The following CHFR variants were observed in gnomAD, a reference collection of about 807,000 sequenced individuals.
The protein encoded by CHFR is E3 ubiquitin-protein ligase CHFR.
In CHFR, 57 loss-of-function variants were observed where a neutral mutation model predicts 87.6. The ratio of observed to expected loss-of-function variants is 0.65; its 90% confidence interval spans 0.53 to 0.81. The LOEUF (loss-of-function observed/expected upper bound fraction) is 0.81, where lower values mean the gene tolerates loss of function less well. CHFR is among the 30% of genes least tolerant of loss of function. The pLI is 0.00. For synonymous variants in CHFR, 381 were observed against 359.2 expected (o/e 1.06, Z -0.69); for missense variants, 797 against 865.8 (o/e 0.92, Z 1.00).
chr12:132,839,876 TTGGGA>T lies in CHFR; in HGVS notation c.*1673_*1677del. On this transcript the variant is annotated 3_prime_UTR_variant, in exon 18 of 18. Transcript: ENST00000450056. ...CTCTCAGCCTCGCCCCTGCACTAACTTGGGACCTCCCTGCTCAGCCTCACCCCTGC... is the reference window on the plus strand; with the variant it reads ...CTCTCAGCCTCGCCCCTGCACTAACTCCTCCCTGCTCAGCCTCACCCCTGC... 1 of 153,884 alleles carries T rather than the reference TTGGGA, an allele frequency of 6.5e-6. No homozygotes were observed. The highest frequency in any genetic ancestry group is 7.6e-5 in the Admixed American group (1 of 13,088). 9.5% of individuals were successfully genotyped at this position (153,884 alleles called of 1,614,324 possible).
At chr12:132,880,246 C>G (rs117877326) in intron 2 of CHFR, among the ~76,000 whole-genome samples, 3,768 of 152,180 alleles carry the variant, frequency 0.025, 69 homozygotes, top group South Asian at 0.076. Context: ...TATGAAACTT[C>G]CAGTGGAAAA....
Position 132,878,424 on chromosome 12 carries a change from G to A in CHFR, c.134-770C>T, listed in dbSNP as rs370302404. Reference sequence around the variant, plus strand: ...GCAGAGGTTGCAGTGAGCTGAGATCGCGCCACTGCACTCCAGCCTTGGCGA... The same window carrying A: ...GCAGAGGTTGCAGTGAGCTGAGATCACGCCACTGCACTCCAGCCTTGGCGA... On this transcript the variant is annotated intron_variant, in intron 2 of 17. Coordinates refer to ENST00000450056, the MANE Select transcript of CHFR (RefSeq NM_001161346.2). Among the ~76,000 whole-genome samples, 58 of 151,342 alleles carry A rather than the reference G, an allele frequency of 3.8e-4. 2 individuals carry two copies. The highest frequency in any genetic ancestry group is 6.8e-3 in the Middle Eastern group (2 of 294).
chr12:132,851,957 G>A (rs1260589646), intron 11 of CHFR, among the ~76,000 whole-genome samples: 2 of 151,966 alleles, frequency 1.3e-5, no homozygotes, highest in Admixed American at 1.3e-4. Flanking sequence ...TTTAGCAGCT[G>A]GAGCAAGATT....
intron 12 of CHFR, among the ~76,000 whole-genome samples, chr12:132,850,333 G>A (rs532980298): frequency 7.3e-4 from 111 of 152,222 alleles, no homozygotes; most frequent in African/African-American, 2.5e-3. Context: ...TAACGCCTAC[G>A]ACCACTTCAC....
chr12:132,850,519 G>A lies in CHFR; in HGVS notation c.1492+1099C>T, dbSNP rs115351605. Among the ~76,000 whole-genome samples the A allele has an allele frequency of 5.1e-3, 783 of 152,234 alleles. 12 individuals carry two copies. Among genetic ancestry groups the A allele is most frequent in the African/African-American group, 0.018 (729 of 41,524 alleles). ...ACGTGCAGCATCAGCAGTGGCCAGCGCCTGCCGTGGATGACCCCCGAGGCA... is the reference window on the plus strand; with the variant it reads ...ACGTGCAGCATCAGCAGTGGCCAGCACCTGCCGTGGATGACCCCCGAGGCA... On this transcript the variant is annotated intron_variant, in intron 12 of 17. Coordinates refer to ENST00000450056, the MANE Select transcript of CHFR (RefSeq NM_001161346.2).
intron 3 of CHFR, among the ~76,000 whole-genome samples, chr12:132,876,201 G>C (rs1030649580): frequency 2.0e-5 from 3 of 151,584 alleles, no homozygotes; most frequent in African/African-American, 7.3e-5. Flanking sequence ...AAAGAAAAAA[G>C]CTGACGCTAC....
chr12:132,874,439 C>G (rs1951569135), intron 3 of CHFR, among the ~76,000 whole-genome samples: 1 of 150,970 alleles, frequency 6.6e-6, no homozygotes, highest in African/African-American at 2.4e-5. Flanking sequence ...GAAGCCAGGT[C>G]CTGATGTAGG....
At chr12:132,859,630 G>A (rs1415148969) in intron 7 of CHFR, among the ~76,000 whole-genome samples, 1 of 152,196 alleles carries the variant, frequency 6.6e-6, no homozygotes, top group Non-Finnish European at 1.5e-5. Flanking sequence ...GGTAACAGGT[G>A]TGAGCTACCG....
chr12:132,884,231 GA>G (rs777384785), intron 2 of CHFR, among the ~76,000 whole-genome samples: 1 of 151,884 alleles, frequency 6.6e-6, no homozygotes, highest in Non-Finnish European at 1.5e-5. Context: ...CCAGCCTGAC[GA>G]ACATGGAGAA....
At chr12:132,847,829 G>T in intron 14 of CHFR, 1 of 1,335,102 alleles carries the variant, frequency 7.5e-7, no homozygotes, top group Non-Finnish European at 9.6e-7. Flanking sequence ...AAGAGCTGCG[G>T]GAAGCGGCTC....
At chr12:132,852,540 A>G (rs1216176081) in intron 11 of CHFR, among the ~76,000 whole-genome samples, 1 of 152,190 alleles carries the variant, frequency 6.6e-6, no homozygotes, top group Non-Finnish European at 1.5e-5. Context: ...CATGCCGGCC[A>G]TAAGGACGGC....
At chr12:132,853,658 A>AGCTCAGCTCCACCGTC (rs1566182141) in intron 10 of CHFR, 85 bp from the exon 11 acceptor site, 2 of 1,417,854 alleles carry the variant, frequency 1.4e-6, no homozygotes, top group African/African-American at 3.0e-5. Context: ...CAGCCATCAC[A>AGCTCAGCTCCACCGTC]GCTCAGCTCC....
intron 10 of CHFR, 175 bp from the exon 11 acceptor site, chr12:132,853,748 G>C (rs1951000966): frequency 4.3e-6 from 3 of 696,552 alleles, no homozygotes; most frequent in Non-Finnish European, 6.6e-6. Context: ...AGAGGGACCA[G>C]AACGAGTCGA....
At chr12:132,862,057 G>A (rs1428949258) in intron 6 of CHFR, among the ~76,000 whole-genome samples, 1 of 152,174 alleles carries the variant, frequency 6.6e-6, no homozygotes, top group Non-Finnish European at 1.5e-5. Context: ...TGGATCACCT[G>A]AGGTCAGGAG....
At position 132,858,790 on chromosome 12, in the gene CHFR, A is replaced by G. The variant is rs369699755; in HGVS notation, c.911+278T>C. On this transcript the variant is annotated intron_variant, in intron 8 of 17. Transcript: ENST00000450056. ...ATATTTAGAACATTAAAAAAAAAAA[A>G]AAAGTCAGCCAGGCATAGTGGTGTG... is the stretch of plus-strand genomic sequence containing the variant. Among the ~76,000 whole-genome samples the G allele has an allele frequency of 1.3e-4, 19 of 150,902 alleles. No individual in the cohort carries two copies. The East Asian group carries it at 2.3e-3, about 19-fold the overall frequency.
intron 2 of CHFR, among the ~76,000 whole-genome samples, chr12:132,885,072 A>G (rs1005149492): frequency 3.3e-5 from 5 of 151,730 alleles, no homozygotes; most frequent in African/African-American, 1.2e-4. Flanking sequence ...TGGGTGACAG[A>G]GCAGGACTCT....
rs1164252615 is a variant in CHFR, at chr12:132,883,964, CA to C, written c.133+3231del. The stretch of plus-strand genomic sequence containing the variant: ...AAAACCTCATCTCTACTAAAAATAC[CA>C]AAAAACTAGCCAGGTGTGGTGGCAC... On this transcript the variant is annotated intron_variant, in intron 2 of 17. Transcript: ENST00000450056. Among the ~76,000 whole-genome samples, 4 of 150,380 alleles carry C rather than the reference CA, an allele frequency of 2.7e-5. No individual in the cohort carries two copies. The South Asian group carries it at 8.4e-4, about 32-fold the overall frequency.
intron 3 of CHFR, 116 bp from the exon 4 acceptor site, chr12:132,872,510 G>C (rs1255492584): frequency 2.9e-6 from 2 of 679,942 alleles, no homozygotes; most frequent in East Asian, 2.7e-5. Flanking sequence ...ATACTCATAG[G>C]AACAGTGTAA....
At chr12:132,864,762 A>G (rs1054789115) in intron 6 of CHFR, among the ~76,000 whole-genome samples, 1 of 152,220 alleles carries the variant, frequency 6.6e-6, no homozygotes, top group African/African-American at 2.4e-5. Flanking sequence ...TGCTGGGATT[A>G]CAGGCGTAAG....
Sources: gnomAD v4.1 joint callset for allele counts (sites outside exome capture counted in the v4.1 genomes callset) on GRCh38, gnomAD v4.1.1 for gene constraint, MANE v1.5 for transcripts, NCBI Gene and HGNC (gene_info 2026-07-23, HGNC 2026-07-21) for gene names.